Variants in ZBBX observed in about 807,000 individuals in gnomAD.
The protein encoded by ZBBX is zinc finger B-box domain containing.
Under a neutral mutation model 108.5 loss-of-function variants are expected in ZBBX, and 101 were observed. That is an observed-to-expected ratio of 0.93 (90% CI 0.79 to 1.10). ZBBX has a LOEUF of 1.10. ZBBX is among the 50% of genes least tolerant of loss of function. The pLI, the probability that ZBBX is intolerant of heterozygous loss-of-function variation, is 0.00. For missense variants in ZBBX, 1,009 were observed against 941.4 expected (o/e 1.07, Z -0.94); for synonymous variants, 356 against 323.4 (o/e 1.10, Z -1.08).
intron 17 of ZBBX, among the ~76,000 whole-genome samples, chr3:167,298,811 G>A (rs1732108824): frequency 6.6e-6 from 1 of 151,928 alleles, no homozygotes; most frequent in African/African-American, 2.4e-5. Flanking sequence ...TTGAACTAGT[G>A]TCTTTGTCTA....
At chr3:167,315,418 G>T (rs185388150) in intron 15 of ZBBX, among the ~76,000 whole-genome samples, 299 of 152,188 alleles carry the variant, frequency 2.0e-3, no homozygotes, top group African/African-American at 7.1e-3. Flanking sequence ...AGTATCTTTA[G>T]AGAGAAGAAG....
intron 6 of ZBBX, among the ~76,000 whole-genome samples, chr3:167,364,746 T>C (rs1408808829): frequency 9.2e-5 from 14 of 152,118 alleles, no homozygotes; most frequent in Non-Finnish European, 2.9e-5. Context: ...CACACTGGCT[T>C]TCTTTAAGCT....
chr3:167,377,711 G>T (rs781506357), intron 2 of ZBBX, among the ~76,000 whole-genome samples: 2 of 151,488 alleles, frequency 1.3e-5, no homozygotes, highest in Non-Finnish European at 2.9e-5. Flanking sequence ...AAATTATAAG[G>T]CAAGAACTGA....
chr3:167,204,260 C>G, the ZBBX span, among the ~76,000 whole-genome samples: 1 of 74,774 alleles, frequency 1.3e-5, no homozygotes, highest in Non-Finnish European at 2.7e-5. Context: ...TTTTATTATA[C>G]TCTAAGTTTT....
the ZBBX span, among the ~76,000 whole-genome samples, chr3:167,180,046 G>A: frequency 6.6e-6 from 1 of 152,006 alleles, no homozygotes; most frequent in South Asian, 2.1e-4. Flanking sequence ...CAAATAAGAA[G>A]TCAAAGTCTG....
intron 14 of ZBBX, among the ~76,000 whole-genome samples, chr3:167,316,649 G>A (rs2108292048): frequency 6.6e-6 from 1 of 152,012 alleles, no homozygotes; most frequent in Admixed American, 6.6e-5. Flanking sequence ...ATTTTAATAG[G>A]TACCATGTAA....
the ZBBX span, among the ~76,000 whole-genome samples, chr3:167,213,507 A>G: frequency 4.6e-5 from 7 of 152,178 alleles, no homozygotes; most frequent in African/African-American, 1.7e-4. Flanking sequence ...AAAATAATAA[A>G]AAGCAAGGAA....
Position 167,316,967 on chromosome 3 carries a change from A to G in ZBBX, c.1194+38T>C, listed in dbSNP as rs200797939. On this transcript the variant is annotated intron_variant, in intron 14 of 21. Coordinates refer to ENST00000675490, the MANE Select transcript of ZBBX (RefSeq NM_001199201.2). ...AAGTATACATTATGAATTCCCTGTT[A>G]AAAATCATGAATGGTCATTATGCAC... The G allele has an allele frequency of 2.2e-5, 28 of 1,280,270 alleles. No individual in the cohort carries two copies. In the East Asian group the frequency reaches 6.0e-4, roughly 27 times the overall value. The allele number at this position is 1,280,270 out of a possible 1,614,324, so 79.3% of individuals were successfully genotyped here.
At chr3:167,210,623 C>T in the ZBBX span, among the ~76,000 whole-genome samples, 1 of 151,716 alleles carries the variant, frequency 6.6e-6, no homozygotes, top group Non-Finnish European at 1.5e-5. Flanking sequence ...AATCAAACTC[C>T]CAAAGGTCAA....
the ZBBX span, among the ~76,000 whole-genome samples, chr3:167,208,414 C>G: frequency 0.013 from 2,037 of 152,310 alleles, 22 homozygotes; most frequent in South Asian, 0.026. Flanking sequence ...CCTTCCCTCT[C>G]CTTGAGGAGA....
downstream of ZBBX, among the ~76,000 whole-genome samples, chr3:167,236,759 ACAAT>A (rs1473522749): frequency 6.6e-6 from 1 of 151,830 alleles, no homozygotes; most frequent in Non-Finnish European, 1.5e-5. Context: ...GAGTTCTGTG[ACAAT>A]CAATATGGAA....
the ZBBX span, among the ~76,000 whole-genome samples, chr3:167,206,103 A>C: frequency 5.9e-5 from 9 of 152,072 alleles, 1 homozygote; most frequent in South Asian, 1.9e-3. Flanking sequence ...TATTTATCTT[A>C]TTTACTTGCA....
intron 8 of ZBBX, among the ~76,000 whole-genome samples, chr3:167,358,655 G>A (rs1414284378): frequency 6.6e-6 from 1 of 152,036 alleles, no homozygotes; most frequent in Non-Finnish European, 1.5e-5. Flanking sequence ...AGGATATATA[G>A]TCTAGGCGTG....
intron 9 of ZBBX, among the ~76,000 whole-genome samples, chr3:167,349,907 TA>T (rs1742340676): frequency 6.6e-6 from 1 of 152,082 alleles, no homozygotes; most frequent in African/African-American, 2.4e-5. Context: ...GGTTTGAGTT[TA>T]GGCATTTCCA....
At chr3:167,280,079 C>T (rs1156462495) in intron 20 of ZBBX, among the ~76,000 whole-genome samples, 1 of 151,976 alleles carries the variant, frequency 6.6e-6, no homozygotes, top group Non-Finnish European at 1.5e-5. Flanking sequence ...CTTCCTTACA[C>T]CTTATACAAA....
chr3:167,298,414 T>C lies in ZBBX; in HGVS notation c.1770A>G (p.Gln590=). The change falls in exon 18 of 22, where the codon CAA becomes CAG. Residue 590 remains glutamine (Q), a synonymous_variant. Coordinates refer to ENST00000675490, the MANE Select transcript of ZBBX (RefSeq NM_001199201.2). ...IACRSKPITK[Q]YQGLERFFIF... ...TAAAGAATCTCTCAAGTCCTTGATATTGTTTTGTTATAGGCTTACTTCTGC... is the reference window on the plus strand; with the variant it reads ...TAAAGAATCTCTCAAGTCCTTGATACTGTTTTGTTATAGGCTTACTTCTGC... 2 of 1,582,200 alleles carry C rather than the reference T, an allele frequency of 1.3e-6. No individual in the cohort carries two copies. The highest frequency in any genetic ancestry group is 1.2e-5 in the South Asian group (1 of 85,446).
At chr3:167,335,534 T>G (rs1739409608) in intron 9 of ZBBX, among the ~76,000 whole-genome samples, 1 of 151,840 alleles carries the variant, frequency 6.6e-6, no homozygotes, top group African/African-American at 2.4e-5. Flanking sequence ...TAGCTCTTAT[T>G]TCTTAGCAAA....
intron 10 of ZBBX, among the ~76,000 whole-genome samples, chr3:167,329,458 T>C (rs1162993742): frequency 6.6e-6 from 1 of 152,190 alleles, no homozygotes; most frequent in East Asian, 1.9e-4. Context: ...TCTGAGGACC[T>C]GTCAGACACT....
intron 6 of ZBBX, among the ~76,000 whole-genome samples, chr3:167,361,414 C>T (rs1054297255): frequency 9.2e-5 from 14 of 152,088 alleles, no homozygotes; most frequent in Admixed American, 2.0e-4. Flanking sequence ...AGTACACAAA[C>T]GAGAATGAAG....
Sources: allele counts gnomAD v4.1 joint callset (sites outside exome capture counted in the v4.1 genomes callset), GRCh38; gene constraint gnomAD v4.1.1; transcripts MANE v1.5; gene names NCBI Gene and HGNC (gene_info 2026-07-23, HGNC 2026-07-21).